The following CAST variants were observed in gnomAD, a reference collection of about 807,000 sequenced individuals.
CAST encodes calpastatin, also known as MIR583 host.
Under a neutral mutation model 119.6 loss-of-function variants are expected in CAST, and 76 were observed. The observed-to-expected ratio is 0.64, with a 90% CI of 0.53 to 0.77. The LOEUF is 0.77. CAST is among the 30% of genes least tolerant of loss of function. The pLI, the probability that CAST is intolerant of heterozygous loss-of-function variation, is 0.00. For missense variants in CAST, 953 were observed against 946.5 expected, an observed-to-expected ratio of 1.01 and a Z score of -0.09; for synonymous variants, 319 against 331.6, an observed-to-expected ratio of 0.96 and a Z score of 0.41.
chr5:96,369,964 T>G, the CAST span, among the ~76,000 whole-genome samples: 2 of 152,060 alleles, frequency 1.3e-5, no homozygotes, highest in Non-Finnish European at 2.9e-5. Context: ...TCAATAAAAA[T>G]GTATGTCATG....
the CAST span, among the ~76,000 whole-genome samples, chr5:96,164,133 C>T: frequency 4.8e-4 from 73 of 152,282 alleles, 1 homozygote; most frequent in East Asian, 3.9e-4. Context: ...CTGTTCTCTA[C>T]GCTCTCTCTC....
At chr5:96,583,728 A>G (rs1275902083) in intron 1 of CAST, among the ~76,000 whole-genome samples, 2 of 152,196 alleles carry the variant, frequency 1.3e-5, no homozygotes, top group African/African-American at 4.8e-5. Flanking sequence ...ATAGAGGGGG[A>G]GACTAAAAGA....
At chr5:96,292,752 G>A in the CAST span, among the ~76,000 whole-genome samples, 2 of 152,262 alleles carry the variant, frequency 1.3e-5, no homozygotes, top group Non-Finnish European at 2.9e-5. Flanking sequence ...GCTGCCCACT[G>A]CGTCACAAGG....
the CAST span, among the ~76,000 whole-genome samples, chr5:96,329,951 C>A: frequency 2.6e-5 from 4 of 152,176 alleles, no homozygotes; most frequent in African/African-American, 4.8e-5. Flanking sequence ...TAAAAGATAT[C>A]TTGGAAGTTA....
At chr5:96,167,532 T>A in the CAST span, among the ~76,000 whole-genome samples, 1 of 152,202 alleles carries the variant, frequency 6.6e-6, no homozygotes, top group African/African-American at 2.4e-5. Context: ...GGTAAAAGTA[T>A]TGTCCAGTCC....
At chr5:96,139,388 T>C in the CAST span, among the ~76,000 whole-genome samples, 1 of 151,660 alleles carries the variant, frequency 6.6e-6, no homozygotes, top group Non-Finnish European at 1.5e-5. Flanking sequence ...TTCCTAGATC[T>C]CCACTTACTA....
the CAST span, among the ~76,000 whole-genome samples, chr5:96,103,271 C>T: frequency 1.3e-5 from 2 of 151,698 alleles, no homozygotes; most frequent in Non-Finnish European, 2.9e-5. Context: ...CATATGTATA[C>T]ATGTGCCATG....
chr5:95,984,933 T>G, the CAST span, among the ~76,000 whole-genome samples: 279 of 152,374 alleles, frequency 1.8e-3, no homozygotes, highest in African/African-American at 6.4e-3. Flanking sequence ...TTTATATTGA[T>G]TATATGTTGA....
chr5:96,021,481 T>A, the CAST span, among the ~76,000 whole-genome samples: 2 of 152,090 alleles, frequency 1.3e-5, no homozygotes, highest in Non-Finnish European at 2.9e-5. Context: ...AGTCTCGCTC[T>A]GTTGCCCAGG....
chr5:96,537,043 G>A (rs1377400290), intron 1 of CAST, among the ~76,000 whole-genome samples: 1 of 152,286 alleles, frequency 6.6e-6, no homozygotes, highest in East Asian at 1.9e-4. Context: ...GTATGGTCTT[G>A]GAGAAATACA....
At chr5:96,293,993 C>A in the CAST span, among the ~76,000 whole-genome samples, 1 of 151,728 alleles carries the variant, frequency 6.6e-6, no homozygotes, top group Non-Finnish European at 1.5e-5. Flanking sequence ...CTCCTGACCT[C>A]AGGTGATCCA....
At chr5:96,508,020 T>G in the CAST span, among the ~76,000 whole-genome samples, 4 of 116,594 alleles carry the variant, frequency 3.4e-5, no homozygotes, top group African/African-American at 1.1e-4. Flanking sequence ...TTATTATTAT[T>G]ATTATTATTA....
At chr5:96,560,169 C>T (rs906400142) in intron 1 of CAST, among the ~76,000 whole-genome samples, 45 of 151,728 alleles carry the variant, frequency 3.0e-4, no homozygotes, top group African/African-American at 8.0e-4. Context: ...AAAGCTGAAA[C>T]TGGATCCCTT....
intron 25 of CAST, chr5:96,762,648 C>A (rs1466505655): frequency 1.1e-4 from 42 of 373,016 alleles, no homozygotes; most frequent in Non-Finnish European, 1.9e-4. Flanking sequence ...CAATAAAGTG[C>A]ATTGTGTCTA....
At chr5:96,502,072 T>C in the CAST span, among the ~76,000 whole-genome samples, 2 of 139,296 alleles carry the variant, frequency 1.4e-5, no homozygotes, top group Non-Finnish European at 3.0e-5. Context: ...TGCAAAGATT[T>C]GGAACATTTG....
At chr5:96,540,875 A>G (rs1745899971) in intron 1 of CAST, among the ~76,000 whole-genome samples, 1 of 152,186 alleles carries the variant, frequency 6.6e-6, no homozygotes. Context: ...GGGGAGAAAA[A>G]TTACAGAAGT....
chr5:96,502,499 TA>T, the CAST span, among the ~76,000 whole-genome samples: 1 of 152,090 alleles, frequency 6.6e-6, no homozygotes, highest in African/African-American at 2.4e-5. Flanking sequence ...ATTGTTTAAT[TA>T]AAAAACAGTG....
chr5:95,967,352 A>G, the CAST span, among the ~76,000 whole-genome samples: 11 of 152,024 alleles, frequency 7.2e-5, no homozygotes, highest in African/African-American at 2.2e-4. Context: ...GCTGCAGTCC[A>G]CTATGATCCT....
At chr5:96,191,260 G>A in the CAST span, among the ~76,000 whole-genome samples, 21 of 152,172 alleles carry the variant, frequency 1.4e-4, no homozygotes, top group Non-Finnish European at 2.8e-4. Flanking sequence ...CTCAGCATAA[G>A]CAGAAAAACT....
Sources: allele counts gnomAD v4.1 joint callset (sites outside exome capture counted in the v4.1 genomes callset), GRCh38; gene constraint gnomAD v4.1.1; transcripts MANE v1.5; gene names NCBI Gene and HGNC (gene_info 2026-07-23, HGNC 2026-07-21).